PDE4D: variants seen among roughly 807,000 people sequenced by gnomAD.
PDE4D encodes 3',5'-cyclic-AMP phosphodiesterase 4D.
Under a neutral mutation model 87.4 loss-of-function variants are expected in PDE4D, and 24 were observed. The ratio of observed to expected loss-of-function variants is 0.27; its 90% confidence interval spans 0.20 to 0.39. The LOEUF is 0.39. Among genes scored for constraint, PDE4D ranks in the 10% least tolerant of loss-of-function variants. The pLI is 1.00. For synonymous variants in PDE4D, 384 were observed against 383.2 expected, an observed-to-expected ratio of 1.00 and a Z score of -0.02; for missense variants, 714 against 1,041.0, an observed-to-expected ratio of 0.69 and a Z score of 4.32.
rs5868224 is a variant in PDE4D at position 60,198,040 on chromosome 5, A to ATTT, written c.-89-12356_-89-12354dup. On this transcript the variant is annotated intron_variant, in intron 1 of 16. Transcript: ENST00000502484. The stretch of plus-strand genomic sequence containing the variant: ...AAAAAAAAGTGGGCAAAGAATTTGG[A>ATTT]TTTTTTTTTTTTTTGCTTTTCAAGA... Among the ~76,000 whole-genome samples the ATTT allele has an allele frequency of 4.4e-4, 63 of 144,542 alleles. 1 individual carries two copies. The highest frequency in any genetic ancestry group is 3.5e-3 in the Middle Eastern group (1 of 282). 94.8% of individuals were successfully genotyped at this position (144,542 alleles called of 152,430 possible). A position where few individuals can be genotyped will look rare whatever the true frequency, so the allele number is the denominator to read the frequency against.
intron 2 of PDE4D, among the ~76,000 whole-genome samples, chr5:59,208,792 TGAATA>T: frequency 6.6e-6 from 1 of 152,304 alleles, no homozygotes; most frequent in South Asian, 2.1e-4. Context: ...CTTAAGTGAT[TGAATA>T]AATGGCACCA....
chr5:60,401,613 T>C (rs918110696), intron 1 of PDE4D, among the ~76,000 whole-genome samples: 2 of 152,182 alleles, frequency 1.3e-5, no homozygotes, highest in African/African-American at 4.8e-5. Context: ...CCAATGTTGA[T>C]CAGCACTCTG....
intron 1 of PDE4D, among the ~76,000 whole-genome samples, chr5:60,428,462 T>A (rs544347332): frequency 4.6e-5 from 7 of 152,308 alleles, no homozygotes; most frequent in African/African-American, 1.7e-4. Context: ...AATTCATTCA[T>A]GCAATGAGAG....
At chr5:59,555,549 T>G (rs919089276) in intron 1 of PDE4D, among the ~76,000 whole-genome samples, 1 of 152,124 alleles carries the variant, frequency 6.6e-6, no homozygotes, top group Non-Finnish European at 1.5e-5. Context: ...CAAAGGTAAA[T>G]CTGTTTGTGG....
At chr5:60,275,777 C>T (rs1375853412) in intron 1 of PDE4D, among the ~76,000 whole-genome samples, 2 of 151,902 alleles carry the variant, frequency 1.3e-5, no homozygotes, top group South Asian at 2.1e-4. Flanking sequence ...TGGTACTATA[C>T]ATTTTTTTCT....
intron 1 of PDE4D, among the ~76,000 whole-genome samples, chr5:60,272,348 G>A (rs538201108): frequency 6.6e-6 from 1 of 152,322 alleles, no homozygotes; most frequent in African/African-American, 2.4e-5. Flanking sequence ...TTCATTTGCT[G>A]TTCATTTAGT....
At chr5:60,250,214 C>A (rs1215898656) in intron 1 of PDE4D, among the ~76,000 whole-genome samples, 2 of 151,794 alleles carry the variant, frequency 1.3e-5, no homozygotes, top group Non-Finnish European at 2.9e-5. Context: ...TAATACTGTG[C>A]AGATAATATA....
chr5:59,159,762 C>T (rs1780769197), intron 5 of PDE4D, among the ~76,000 whole-genome samples: 1 of 152,238 alleles, frequency 6.6e-6, no homozygotes, highest in African/African-American at 2.4e-5. Flanking sequence ...AATTAATTTA[C>T]CTTTATTTTA....
At chr5:59,984,658 CT>C (rs1762238917) in intron 3 of PDE4D, among the ~76,000 whole-genome samples, 1 of 152,138 alleles carries the variant, frequency 6.6e-6, no homozygotes, top group Non-Finnish European at 1.5e-5. Flanking sequence ...GACCCAAGTA[CT>C]TCATGAGGAA....
intron 5 of PDE4D, among the ~76,000 whole-genome samples, chr5:59,067,575 A>T (rs960935919): frequency 8.5e-5 from 13 of 152,208 alleles, no homozygotes; most frequent in African/African-American, 3.1e-4. Flanking sequence ...ATGTCACTGC[A>T]TGGATGAATA....
intron 1 of PDE4D, among the ~76,000 whole-genome samples, chr5:60,295,931 T>C (rs906356131): frequency 1.3e-5 from 2 of 152,176 alleles, no homozygotes; most frequent in Admixed American, 6.5e-5. Flanking sequence ...TTCTGTAGAC[T>C]GGGAAGTCCA....
At chr5:59,263,307 C>T (rs1047856613) in intron 1 of PDE4D, among the ~76,000 whole-genome samples, 1 of 151,870 alleles carries the variant, frequency 6.6e-6, no homozygotes, top group Non-Finnish European at 1.5e-5. Context: ...CCAAAACATG[C>T]TCACAGGAGA....
At chr5:59,768,710 A>C (rs1014242685) in intron 1 of PDE4D, 4 of 1,289,626 alleles carry the variant, frequency 3.1e-6, no homozygotes, top group East Asian at 2.6e-5. Flanking sequence ...ATTAAACGTC[A>C]CCCCTCCTCT....
At chr5:59,113,390 T>C (rs1773021042) in intron 5 of PDE4D, among the ~76,000 whole-genome samples, 1 of 152,252 alleles carries the variant, frequency 6.6e-6, no homozygotes, top group African/African-American at 2.4e-5. Context: ...AAAATCATGT[T>C]AAACCTAAAC....
At chr5:59,883,304 C>T (rs991349321) in intron 1 of PDE4D, among the ~76,000 whole-genome samples, 6 of 152,132 alleles carry the variant, frequency 3.9e-5, no homozygotes, top group African/African-American at 1.2e-4. Flanking sequence ...AAATCAAATT[C>T]GGGTATTCAG....
intron 1 of PDE4D, among the ~76,000 whole-genome samples, chr5:59,428,967 A>G (rs769033597): frequency 6.6e-6 from 1 of 152,128 alleles, no homozygotes; most frequent in South Asian, 2.1e-4. Flanking sequence ...TTTCAAATAT[A>G]TTTTCTTGTA....
chr5:60,296,755 G>A lies in PDE4D; in HGVS notation c.-89-111068C>T, dbSNP rs114212804. Among the ~76,000 whole-genome samples the A allele has an allele frequency of 2.6e-3, 401 of 152,054 alleles. 1 individual carries two copies. The highest frequency in any genetic ancestry group is 4.0e-3 in the Non-Finnish European group (270 of 67,952). On this transcript the variant is annotated intron_variant, in intron 1 of 16. Coordinates refer to the PDE4D transcript ENST00000502484. The stretch of plus-strand genomic sequence containing the variant: ...TGGCACATATACCATGGAATACTAC[G>A]CCACCATAAAAAAGAATGAGTTCAT...
chr5:59,545,349 T>TA (rs35151567), intron 1 of PDE4D, among the ~76,000 whole-genome samples: 3,105 of 147,266 alleles, frequency 0.021, 68 homozygotes, highest in East Asian at 0.12. Context: ...ACCACTCACG[T>TA]AAAAAAAAAA....
intron 1 of PDE4D, among the ~76,000 whole-genome samples, chr5:59,859,926 T>G (rs1289734815): frequency 6.6e-6 from 1 of 152,150 alleles, no homozygotes; most frequent in African/African-American, 2.4e-5. Context: ...AGGATGGGTG[T>G]GCAGGGATTG....
Sources: gnomAD v4.1 joint callset for allele counts (sites outside exome capture counted in the v4.1 genomes callset) on GRCh38, gnomAD v4.1.1 for gene constraint, MANE v1.5 for transcripts, NCBI Gene and HGNC (gene_info 2026-07-23, HGNC 2026-07-21) for gene names.